MYH10: variants seen among roughly 807,000 people sequenced by gnomAD.
MYH10 encodes the protein myosin heavy chain 10.
MYH10 carries 55 observed loss-of-function variants against 257.8 expected under a neutral mutation model. That is an observed-to-expected ratio of 0.21 (90% confidence interval 0.17 to 0.27). The LOEUF is 0.27. MYH10 is among the 10% of genes least tolerant of loss of function. The probability of loss-of-function intolerance (pLI) is 1.00; values close to 1 mark genes in which losing one functional copy is unlikely to be tolerated. For missense variants in MYH10, 1,631 were observed against 2,500.6 expected (o/e 0.65, Z 7.42); for synonymous variants, 854 against 921.7 (o/e 0.93, Z 1.33).
At chr17:8,584,977 G>A (rs1361594886) in intron 4 of MYH10, among the ~76,000 whole-genome samples, 1 of 151,990 alleles carries the variant, frequency 6.6e-6, no homozygotes, top group Non-Finnish European at 1.5e-5. Context: ...TCAAGTAGCT[G>A]AGATTATAGG....
At chr17:8,601,198 C>T (rs373941406) in intron 3 of MYH10, among the ~76,000 whole-genome samples, 4 of 152,302 alleles carry the variant, frequency 2.6e-5, no homozygotes, top group East Asian at 1.9e-4. Flanking sequence ...TGAATGGAAG[C>T]TACCTGGGGT....
intron 1 of MYH10, among the ~76,000 whole-genome samples, chr17:8,629,854 G>C (rs960564829): frequency 6.6e-6 from 1 of 151,588 alleles, no homozygotes; most frequent in Non-Finnish European, 1.5e-5. Context: ...GCTCCACGGA[G>C]GGCGCGGCAG....
At chr17:8,540,085 G>A (rs887950695) in intron 14 of MYH10, among the ~76,000 whole-genome samples, 5 of 151,962 alleles carry the variant, frequency 3.3e-5, no homozygotes, top group Admixed American at 2.6e-4. Flanking sequence ...TGCCTCCTGG[G>A]TTTAAGTGAT....
intron 7 of MYH10, chr17:8,560,695 CCA>C: frequency 1.5e-6 from 1 of 671,390 alleles, no homozygotes. Flanking sequence ...CATAATAATG[CCA>C]GTCCATCTAC....
chr17:8,499,616 G>A (rs972481543), intron 29 of MYH10, 140 bp from the exon 30 acceptor site: 9 of 760,762 alleles, frequency 1.2e-5, no homozygotes, highest in Admixed American at 4.9e-5. Context: ...GAATGAAAAT[G>A]TTTGCTGTTC....
chr17:8,536,210 C>T (rs1348545805), intron 14 of MYH10, among the ~76,000 whole-genome samples: 1 of 151,744 alleles, frequency 6.6e-6, no homozygotes, highest in African/African-American at 2.4e-5. Context: ...AGCAGATGGC[C>T]CCACAAAAGT....
chr17:8,509,802 A>C lies in MYH10; in HGVS notation c.3090+10T>G. The C allele has an allele frequency of 6.3e-7, 1 of 1,591,010 alleles. No individual in the cohort carries two copies. The highest frequency in any genetic ancestry group is 8.5e-7 in the Non-Finnish European group (1 of 1,170,590). On this transcript the variant is annotated intron_variant, in intron 25 of 42. Transcript: ENST00000360416. ...ACTAAAATCAGCTTTTTGTGGGAAC[A>C]CTCTCTTACTTTGATGAACTTGGAA...
chr17:8,485,327 AT>A (rs1328458811), intron 36 of MYH10, among the ~76,000 whole-genome samples: 1 of 152,218 alleles, frequency 6.6e-6, no homozygotes, highest in Non-Finnish European at 1.5e-5. Flanking sequence ...ACTGAAAAAA[AT>A]AAAAAAGATC....
In MYH10 at chr17:8,490,807, T is replaced by C. The variant is rs1349806115; in HGVS notation, c.4672-255A>G. ...GTGTTCTCTGGTCATCCTCCTCTGA[T>C]GACCTTTAAGCTGAGAGCTCTTCAG... On this transcript the variant is annotated intron_variant, in intron 34 of 42. Transcript: ENST00000360416. The surrounding 1 kb of genome is among the most constrained non-coding windows in gnomAD (Gnocchi z 4.1). Among the ~76,000 whole-genome samples, 1 of 152,206 alleles carries C rather than the reference T, an allele frequency of 6.6e-6. No individual in the cohort carries two copies. Among genetic ancestry groups the C allele is most frequent in the Non-Finnish European group, 1.5e-5 (1 of 68,028 alleles).
rs1180968109 is a variant in MYH10 at position 8,548,361 on chromosome 17, A to G, written c.1111T>C (p.Phe371Leu). Residue 371 changes from phenylalanine to leucine, a missense_variant, in exon 11 of 43, where the codon TTC (phenylalanine) becomes CTC (leucine). Physicochemically the swap from Phe to Leu is conservative, Grantham distance 22. This residue lies in a region of MYH10 where 360 missense variants were observed against 581.9 expected (regional missense o/e 0.62). Coordinates refer to ENST00000360416, the MANE Select transcript of MYH10 (RefSeq NM_001256012.3). ...TGATCAGTATTTCTCTCCTTTTTGA[A>G]AGAAATATTTCCAAACTGTAGCACT... is the stretch of plus-strand genomic sequence containing the variant. ...SSVLQFGNIS[F>L]KKERNTDQAS... 12 of 1,613,144 alleles carry G rather than the reference A, an allele frequency of 7.4e-6. No homozygotes were observed. The highest frequency in any genetic ancestry group is 1.0e-5 in the Non-Finnish European group (12 of 1,179,550).
At chr17:8,501,920 TCTTA>T (rs1013180471) in intron 28 of MYH10, among the ~76,000 whole-genome samples, 4 of 152,312 alleles carry the variant, frequency 2.6e-5, no homozygotes, top group Non-Finnish European at 5.9e-5. Flanking sequence ...CTAAAAGAGA[TCTTA>T]CTTCTCATGG....
At chr17:8,623,404 C>T in intron 1 of MYH10, 127 bp from the exon 2 acceptor site, 1 of 834,044 alleles carries the variant, frequency 1.2e-6, no homozygotes, top group Non-Finnish European at 1.7e-6. Context: ...TGGGGTATAC[C>T]TCTTCACAGC....
chr17:8,619,406 C>T (rs1364773512), intron 2 of MYH10, among the ~76,000 whole-genome samples: 1 of 152,008 alleles, frequency 6.6e-6, no homozygotes, highest in African/African-American at 2.4e-5. Context: ...TAAAAAGGGC[C>T]GATGACATAT....
chr17:8,518,773 C>T lies in MYH10; in HGVS notation c.2362G>A (p.Asp788Asn). Residue 788 changes from aspartate to asparagine, a missense_variant, in exon 21 of 43, where the codon GAC becomes AAC. Coordinates refer to ENST00000360416, the MANE Select transcript of MYH10 (RefSeq NM_001256012.3). ...CERMIRALEL[D>N]PNLYRIGQSK... Reference sequence around the variant, plus strand: ...TGTCCAATTCTGTACAAGTTTGGGTCCAATTCTAAAGCCCGGATCTAAGAG... The same window carrying T: ...TGTCCAATTCTGTACAAGTTTGGGTTCAATTCTAAAGCCCGGATCTAAGAG... The T allele has an allele frequency of 6.2e-7, 1 of 1,613,072 alleles. No homozygotes were observed. Among genetic ancestry groups the T allele is most frequent in the Non-Finnish European group, 8.5e-7 (1 of 1,179,756 alleles).
At chr17:8,575,262 TAAC>T (rs2083463806) in intron 6 of MYH10, among the ~76,000 whole-genome samples, 1 of 128,762 alleles carries the variant, frequency 7.8e-6, no homozygotes, top group Non-Finnish European at 1.7e-5. Flanking sequence ...AACAAAATGT[TAAC>T]AACAATGATT....
At chr17:8,616,977 T>TA (rs1439800421) in intron 2 of MYH10, among the ~76,000 whole-genome samples, 1 of 152,106 alleles carries the variant, frequency 6.6e-6, no homozygotes, top group African/African-American at 2.4e-5. Context: ...GAACCCTGAT[T>TA]TATGACTAAG....
At chr17:8,493,907 C>G (rs1916149894) in intron 31 of MYH10, 22 bp from the exon 32 acceptor site, 2 of 1,586,948 alleles carry the variant, frequency 1.3e-6, no homozygotes, top group Non-Finnish European at 1.7e-6. Context: ...TTTTAAAGGG[C>G]AACACTTCCA....
chr17:8,592,969 A>ATATATATATATATATATATATATG (rs2084228091), intron 3 of MYH10, among the ~76,000 whole-genome samples: 1 of 129,402 alleles, frequency 7.7e-6, no homozygotes, highest in Non-Finnish European at 1.7e-5. Flanking sequence ...ATATATATAT[A>ATATATATATATATATATATATATG]TAAAAGATGA....
At chr17:8,487,668 T>C (rs1232858908) in intron 35 of MYH10, 74 bp from the exon 36 acceptor site, 11 of 1,554,258 alleles carry the variant, frequency 7.1e-6, no homozygotes, top group Non-Finnish European at 9.7e-6. Context: ...TGTTCTCAAG[T>C]GGGGGGCTCT....
Sources: gnomAD v4.1 joint callset for allele counts (sites outside exome capture counted in the v4.1 genomes callset) on GRCh38, gnomAD v4.1.1 for gene constraint, gnomAD v4.1.1 regional missense constraint, Gnocchi (gnomAD v3.1) non-coding constraint, MANE v1.5 for transcripts, NCBI Gene and HGNC (gene_info 2026-07-23, HGNC 2026-07-21) for gene names.